Variants in LAMA4 observed in about 807,000 individuals in gnomAD.
The protein encoded by LAMA4 is laminin subunit alpha-4.
In LAMA4, 127 loss-of-function variants were observed where a neutral mutation model predicts 207.1. The ratio of observed to expected loss-of-function variants is 0.61; its 90% CI spans 0.53 to 0.71. LAMA4 has a LOEUF of 0.71. LAMA4 is among the 30% of genes least tolerant of loss of function. LAMA4 has a pLI of 0.00. For synonymous variants in LAMA4, 761 were observed against 816.0 expected, an observed-to-expected ratio of 0.93 and a Z score of 1.15; for missense variants, 2,093 against 2,246.5, an observed-to-expected ratio of 0.93 and a Z score of 1.38.
intron 5 of LAMA4, among the ~76,000 whole-genome samples, chr6:112,195,603 G>A (rs1562720093): frequency 6.6e-6 from 1 of 152,000 alleles, no homozygotes; most frequent in East Asian, 1.9e-4. Context: ...TGCCTTTTCT[G>A]TTAGGGGTTT....
chr6:112,242,781 G>A (rs1335436936), intron 2 of LAMA4, among the ~76,000 whole-genome samples: 1 of 152,180 alleles, frequency 6.6e-6, no homozygotes, highest in East Asian at 1.9e-4. Flanking sequence ...GTTGTGTTCT[G>A]CAAGATTCTT....
At chr6:112,200,946 G>A (rs1451195631) in intron 5 of LAMA4, among the ~76,000 whole-genome samples, 2 of 151,872 alleles carry the variant, frequency 1.3e-5, no homozygotes, top group Non-Finnish European at 2.9e-5. Flanking sequence ...ACGGGTTGAT[G>A]GGTGCAGCAA....
intron 3 of LAMA4, among the ~76,000 whole-genome samples, chr6:112,212,534 A>G (rs1002082158): frequency 3.3e-5 from 5 of 152,062 alleles, no homozygotes; most frequent in Non-Finnish European, 7.4e-5. Context: ...AGTTTCTGTC[A>G]TATTCTTATG....
At position 112,120,420 on chromosome 6, in the gene LAMA4, A is replaced by G. The variant is rs200847402; in HGVS notation, c.4528T>C (p.Tyr1510His). ...TCATTCTCTTCTTGATCTGAGACAT[A>G]GAAGATCATGCCATGGGAGGAACGA... ...RTRSSHGMIF[Y>H]VSDQEENDFM... Residue 1510 changes from tyrosine to histidine, a missense_variant, in exon 33 of 39, where the codon TAT becomes CAT. Physicochemically the swap from Tyr to His is moderately conservative, Grantham distance 83. Around this residue, in one of 3 missense-constraint regions of LAMA4, gnomAD observed 383 missense variants for 437.8 expected, o/e 0.87. Transcript: ENST00000230538. The G allele has an allele frequency of 1.9e-6, 3 of 1,613,980 alleles. No homozygotes were observed. Among genetic ancestry groups the G allele is most frequent in the African/African-American group, 1.3e-5 (1 of 75,072 alleles).
intron 2 of LAMA4, among the ~76,000 whole-genome samples, chr6:112,253,000 CAATT>C (rs1275444646): frequency 2.0e-5 from 3 of 152,322 alleles, no homozygotes; most frequent in Non-Finnish European, 4.4e-5. Context: ...ATTGTACTAA[CAATT>C]AACAGAATTC....
At chr6:112,239,380 T>A (rs2077910135) in intron 2 of LAMA4, among the ~76,000 whole-genome samples, 1 of 151,634 alleles carries the variant, frequency 6.6e-6, no homozygotes, top group Non-Finnish European at 1.5e-5. Context: ...GCATTTTTTA[T>A]TGACCTTAAG....
intron 10 of LAMA4, 61 bp from the exon 11 acceptor site, chr6:112,175,541 C>A (rs1554343465): frequency 6.5e-7 from 1 of 1,540,488 alleles, no homozygotes; most frequent in African/African-American, 1.4e-5. Flanking sequence ...ACTAGAAATG[C>A]AAGGGAGCAA....
At chr6:112,114,541 C>A (rs1183357241) in intron 37 of LAMA4, 122 bp downstream of exon 37, 11 of 756,650 alleles carry the variant, frequency 1.5e-5, no homozygotes, top group Non-Finnish European at 2.4e-5. Context: ...ACATGATTTT[C>A]TTTTCTTGGA....
intron 2 of LAMA4, among the ~76,000 whole-genome samples, chr6:112,247,226 A>G (rs1336494627): frequency 3.3e-5 from 5 of 152,180 alleles, no homozygotes; most frequent in Admixed American, 1.3e-4. Context: ...GTGTATTTCT[A>G]TTTATTTTAC....
At chr6:112,253,522 T>G (rs1554190279) in intron 2 of LAMA4, 1 of 480,444 alleles carries the variant, frequency 2.1e-6, no homozygotes, top group Non-Finnish European at 3.8e-6. Flanking sequence ...TTGTCTAATA[T>G]GAGACAAAAA....
rs1554324454 is a variant in LAMA4, at chr6:112,117,769, A to C, written c.4951T>G (p.Phe1651Val). The change falls in exon 35 of 39, where the codon TTT (phenylalanine) becomes GTT (valine). Residue 1651 changes from phenylalanine (F) to valine (V), a missense_variant. Around this residue, in one of 3 missense-constraint regions of LAMA4, gnomAD observed 383 missense variants for 437.8 expected, o/e 0.87. Transcript: ENST00000230538. The surrounding 1 kb of genome is among the most constrained non-coding windows in gnomAD (Gnocchi z 4.5). ...FEGPMETGTY[F>V]STEGGYVVLD... ...ACCACGTATCCTCCTTCTGTTGAAAAGTAAGTTCCTGTTTCCATGGGGCCT... is the reference window on the plus strand; with the variant it reads ...ACCACGTATCCTCCTTCTGTTGAAACGTAAGTTCCTGTTTCCATGGGGCCT... The C allele has an allele frequency of 6.2e-7, 1 of 1,613,768 alleles. No homozygotes were observed. The highest frequency in any genetic ancestry group is 1.1e-5 in the South Asian group (1 of 91,068).
Position 112,114,794 on chromosome 6 carries a change from C to A in LAMA4, c.5113-38G>T, listed in dbSNP as rs782167998. ...GGACACATTGTATGATTTAGTTTGT[C>A]CTCATTGTGATAAAACTGAATTTCT... On this transcript the variant is annotated intron_variant, in intron 36 of 38. Transcript: ENST00000230538. 52 of 1,390,704 alleles carry A rather than the reference C, an allele frequency of 3.7e-5. 1 individual carries two copies. In the East Asian group the frequency reaches 1.1e-3, roughly 31 times the overall value. The allele number at this position is 1,390,704 out of a possible 1,614,324, so 86.1% of individuals were successfully genotyped here. A position where few individuals can be genotyped will look rare whatever the true frequency, so the allele number is the denominator to read the frequency against.
intron 2 of LAMA4, among the ~76,000 whole-genome samples, chr6:112,229,655 A>G (rs184713176): frequency 1.3e-5 from 2 of 152,326 alleles, no homozygotes; most frequent in Admixed American, 1.3e-4. Flanking sequence ...AAGACTGAAC[A>G]GAGCTAACAA....
intron 16 of LAMA4, 154 bp downstream of exon 16, chr6:112,154,697 T>C: frequency 3.0e-6 from 2 of 660,326 alleles, no homozygotes; most frequent in Non-Finnish European, 5.4e-6. Flanking sequence ...AAATCTTTGC[T>C]CTTTTGTAAC....
intron 14 of LAMA4, among the ~76,000 whole-genome samples, 176 bp downstream of exon 14, chr6:112,158,556 C>T (rs1193950430): frequency 1.3e-5 from 2 of 151,860 alleles, no homozygotes; most frequent in African/African-American, 4.8e-5. Context: ...AACCAACCAA[C>T]CAACCAACCA....
intron 2 of LAMA4, among the ~76,000 whole-genome samples, chr6:112,248,453 A>C (rs983190793): frequency 4.0e-5 from 6 of 149,454 alleles, no homozygotes; most frequent in African/African-American, 1.5e-4. Context: ...GAGCCAAGAT[A>C]GCACCACTGT....
chr6:112,186,894 AT>A (rs1387962216), intron 8 of LAMA4: 1 of 455,694 alleles, frequency 2.2e-6, no homozygotes, highest in Non-Finnish European at 4.4e-6. Flanking sequence ...TTTACTAGGT[AT>A]TAACCAGTAG....
At chr6:112,111,440 C>T (rs1334050175) in intron 38 of LAMA4, among the ~76,000 whole-genome samples, 3 of 152,118 alleles carry the variant, frequency 2.0e-5, no homozygotes, top group South Asian at 4.1e-4. Flanking sequence ...TATGCGTTAG[C>T]TTTTTATGGA....
In LAMA4 at chr6:112,142,121, T is replaced by G. The variant is rs782532289; in HGVS notation, c.2665A>C (p.Asn889His). 3.8e-5 allele frequency: 61 copies of G among 1,613,978 alleles called. No homozygotes were observed. The East Asian group carries it at 1.3e-3, about 35-fold the overall frequency. The stretch of plus-strand genomic sequence containing the variant: ...TCCTTTCAAACTCATGTGCTTACGT[T>G]TTTGCTTCCGAGGTACAGGATAAAC... ...DQFILYLGSK[N>H]AKKEYMGLAI... The change falls in exon 20 of 39, where the codon AAC (asparagine) becomes CAC (histidine). Residue 889 changes from asparagine (N) to histidine (H), a missense_variant and splice_region_variant. This residue lies in a region of LAMA4 where 1,704 missense variants were observed against 1,788.4 expected (regional missense o/e 0.95). Coordinates refer to ENST00000230538, the MANE Select transcript of LAMA4 (RefSeq NM_001105206.3).
Sources: gnomAD v4.1 joint callset for allele counts (sites outside exome capture counted in the v4.1 genomes callset) on GRCh38, gnomAD v4.1.1 for gene constraint, gnomAD v4.1.1 regional missense constraint, Gnocchi (gnomAD v3.1) non-coding constraint, MANE v1.5 for transcripts, NCBI Gene and HGNC (gene_info 2026-07-23, HGNC 2026-07-21) for gene names.